RCCD1: variants seen among roughly 807,000 people sequenced by gnomAD.
The protein encoded by RCCD1 is RCC1 domain-containing protein 1.
In RCCD1, 40 loss-of-function variants were observed where a neutral mutation model predicts 37.6. That is an observed-to-expected ratio of 1.06 (90% CI 0.83 to 1.39). The LOEUF is 1.39. RCCD1 is among the 40% of genes most tolerant of loss of function. The pLI is 0.00. For synonymous variants in RCCD1, 263 were observed against 230.0 expected (o/e 1.14, Z -1.30); for missense variants, 577 against 517.3 (o/e 1.12, Z -1.12).
chr15:90,960,267 G>T, intron 5 of RCCD1, 61 bp from the exon 6 acceptor site: 1 of 1,495,040 alleles, frequency 6.7e-7, no homozygotes. Context: ...ATAAGTGACT[G>T]CATGAATAAG....
intron 4 of RCCD1, 144 bp from the exon 5 acceptor site, chr15:90,959,756 C>G (rs752924039): frequency 7.1e-6 from 4 of 566,280 alleles, no homozygotes; most frequent in Non-Finnish European, 1.2e-5. Flanking sequence ...CCCTGGGGCC[C>G]GAGGGGAAGC....
chr15:90,959,452 GTTTTA>G (rs2037270214), intron 4 of RCCD1, among the ~76,000 whole-genome samples: 1 of 152,150 alleles, frequency 6.6e-6, no homozygotes, highest in Non-Finnish European at 1.5e-5. Context: ...CCCAGTGGTT[GTTTTA>G]TTTACTTATT....
intron 4 of RCCD1, among the ~76,000 whole-genome samples, 169 bp downstream of exon 4, chr15:90,957,894 C>T (rs2037235230): frequency 6.6e-6 from 1 of 152,218 alleles, no homozygotes; most frequent in Admixed American, 6.5e-5. Flanking sequence ...CCTCTGCCTG[C>T]ACCATGGCCC....
chr15:90,956,610 A>T lies in RCCD1; in HGVS notation c.-123-2A>T. The T allele has an allele frequency of 1.1e-6, 1 of 904,964 alleles. No individual in the cohort carries two copies. Among genetic ancestry groups the T allele is most frequent in the Non-Finnish European group, 1.4e-6 (1 of 690,692 alleles). 56.1% of individuals were successfully genotyped at this position (904,964 alleles called of 1,614,324 possible). A position where few individuals can be genotyped will look rare whatever the true frequency, so the allele number is the denominator to read the frequency against. ...GAGAATGATAGTTTCTCCATTTTAC[A>T]GATAAGGCAGCTCCAGCCCCTGGAA... On this transcript the variant is annotated splice_acceptor_variant, in intron 1 of 7. Transcript: ENST00000394258. LOFTEE classifies it low-confidence loss of function (5UTR_SPLICE).
intron 1 of RCCD1, chr15:90,955,221 G>A (rs910592892): frequency 6.6e-6 from 1 of 152,268 alleles, no homozygotes; most frequent in Non-Finnish European, 1.5e-5. Flanking sequence ...CCCTCAAGGG[G>A]AGTTGAACAG....
At position 90,962,120 on chromosome 15, in the gene RCCD1, TC is replaced by T. The variant is rs1431246244; in HGVS notation, c.*352del. 5.8e-6 allele frequency: 1 copy of T among 172,122 alleles called. No individual in the cohort carries two copies. The allele number at this position is 172,122 out of a possible 1,614,324, so 10.7% of individuals were successfully genotyped here. A position where few individuals can be genotyped will look rare whatever the true frequency, so the allele number is the denominator to read the frequency against. Reference sequence around the variant, plus strand: ...GCACATTCCAGGTCATCGTCTTCTGTCAGTCATTTCCCTGCTTTCGTTTGAA... The same window carrying T: ...GCACATTCCAGGTCATCGTCTTCTGTAGTCATTTCCCTGCTTTCGTTTGAA... On this transcript the variant is annotated 3_prime_UTR_variant, in exon 8 of 8. Transcript: ENST00000394258.
rs530938783 is a variant in RCCD1, at chr15:90,958,588, A to G, written c.679+863A>G. 7.7e-5 allele frequency among the ~76,000 whole-genome samples: 11 copies of G among 142,234 alleles called. 1 individual carries two copies. The South Asian group carries it at 2.5e-3, about 32-fold the overall frequency. The allele number at this position is 142,234 out of a possible 152,430, so 93.3% of individuals were successfully genotyped here. A position where few individuals can be genotyped will look rare whatever the true frequency, so the allele number is the denominator to read the frequency against. ...GGTTGCAGTGAGCCGAGATCGTGCC[A>G]CTGCACTCCAGCCTGGGCGACAGAG... On this transcript the variant is annotated intron_variant, in intron 4 of 7. Coordinates refer to ENST00000394258, the MANE Select transcript of RCCD1 (RefSeq NM_001017919.2).
At position 90,957,642 on chromosome 15, in the gene RCCD1, T is replaced by G. The variant is rs757944276; in HGVS notation, c.596T>G (p.Leu199Arg). 5.0e-6 allele frequency: 8 copies of G among 1,614,140 alleles called. No individual in the cohort carries two copies. In the East Asian group the frequency reaches 1.8e-4, roughly 36 times the overall value. The change falls in exon 4 of 8, where the codon CTG becomes CGG. Residue 199 changes from leucine to arginine, a missense_variant. Transcript: ENST00000394258. Reference sequence around the variant, plus strand: ...GGCCATGGGACCCTGGAGGCAGAGCTGGAGCCACGGCTGTTGGAGGCGTTG... The same window carrying G: ...GGCCATGGGACCCTGGAGGCAGAGCGGGAGCCACGGCTGTTGGAGGCGTTG... Reference protein sequence around the residue: ...QLGHGTLEAELEPRLLEALQG... With the variant: ...QLGHGTLEAEREPRLLEALQG...
Position 90,956,840 on chromosome 15 carries a change from C to T in RCCD1, c.106C>T (p.Arg36Trp). Residue 36 changes from arginine (R) to tryptophan (W), a missense_variant, in exon 2 of 8, where the codon CGG (arginine) becomes TGG (tryptophan). Coordinates refer to ENST00000394258, the MANE Select transcript of RCCD1 (RefSeq NM_001017919.2). ...CCAGGTGCACAGCCCCAGTCCGCTG[C>T]GGGCGGGCGTCGACATCTGCCGCGT... ...GRQVHSPSPL[R>W]AGVDICRVSA... is the part of the protein sequence containing the mutation. 1 of 1,294,804 alleles carries T rather than the reference C, an allele frequency of 7.7e-7. No homozygotes were observed. The highest frequency in any genetic ancestry group is 9.8e-7 in the Non-Finnish European group (1 of 1,021,130). The allele number at this position is 1,294,804 out of a possible 1,614,324, so 80.2% of individuals were successfully genotyped here.
At position 90,956,726 on chromosome 15, in the gene RCCD1, T is replaced by G; in HGVS notation, c.-9T>G. ...CCAGGCGGCGGCCGGCAGAGGGCGC[T>G]GCTCGGGCATGGCGGAGGAGCGGCC... On this transcript the variant is annotated 5_prime_UTR_variant, in exon 2 of 8. Transcript: ENST00000394258. 2 of 1,291,070 alleles carry G rather than the reference T, an allele frequency of 1.5e-6. No homozygotes were observed. The highest frequency in any genetic ancestry group is 2.0e-6 in the Non-Finnish European group (2 of 1,019,248). 80.0% of individuals were successfully genotyped at this position (1,291,070 alleles called of 1,614,324 possible).
intron 1 of RCCD1, among the ~76,000 whole-genome samples, chr15:90,956,170 G>A (rs2037188486): frequency 6.6e-6 from 1 of 152,222 alleles, no homozygotes; most frequent in South Asian, 2.1e-4. Flanking sequence ...CCTCCCAAAC[G>A]CTCTTCTGCG....
chr15:90,956,691 C>A lies in RCCD1; in HGVS notation c.-44C>A. 1 of 1,254,520 alleles carries A rather than the reference C, an allele frequency of 8.0e-7. No individual in the cohort carries two copies. The highest frequency in any genetic ancestry group is 1.0e-6 in the Non-Finnish European group (1 of 999,238). 77.7% of individuals were successfully genotyped at this position (1,254,520 alleles called of 1,614,324 possible). A position where few individuals can be genotyped will look rare whatever the true frequency, so the allele number is the denominator to read the frequency against. ...GGCTCTTCGCAAGAATCCCCCCGGG[C>A]CCGCCGCAGCCAGGCGGCGGCCGGC... On this transcript the variant is annotated 5_prime_UTR_variant, in exon 2 of 8. Transcript: ENST00000394258.
In RCCD1 at chr15:90,957,197, C is replaced by T; in HGVS notation, c.251C>T (p.Ala84Val). 7.2e-7 allele frequency: 1 copy of T among 1,396,924 alleles called. No individual in the cohort carries two copies. 86.5% of individuals were successfully genotyped at this position (1,396,924 alleles called of 1,614,324 possible). A position where few individuals can be genotyped will look rare whatever the true frequency, so the allele number is the denominator to read the frequency against. Residue 84 changes from alanine (A) to valine (V), a missense_variant, in exon 3 of 8, where the codon GCG becomes GTG. Ala to Val is a moderately conservative substitution (Grantham distance 64). Coordinates refer to ENST00000394258, the MANE Select transcript of RCCD1 (RefSeq NM_001017919.2). ...GCGTGGGCCTCGGAGGGGCTCCTCGCGGTGCTGCGCGCCGGGCCGGGGCCG... is the reference window on the plus strand; with the variant it reads ...GCGTGGGCCTCGGAGGGGCTCCTCGTGGTGCTGCGCGCCGGGCCGGGGCCG... ...KDAWASEGLL[A>V]VLRAGPGPEA...
chr15:90,958,940 A>C (rs1219911286), intron 4 of RCCD1, among the ~76,000 whole-genome samples: 2 of 105,012 alleles, frequency 1.9e-5, no homozygotes, highest in African/African-American at 1.1e-4. Context: ...TCTGTCTAAA[A>C]AAAAAAAAAA....
rs2037215657 is a variant in RCCD1 at position 90,957,233 on chromosome 15, T to A, written c.287T>A (p.Leu96Gln). The A allele has an allele frequency of 6.9e-7, 1 of 1,446,076 alleles. No homozygotes were observed. The highest frequency in any genetic ancestry group is 1.5e-5 in the African/African-American group (1 of 67,606). 89.6% of individuals were successfully genotyped at this position (1,446,076 alleles called of 1,614,324 possible). A position where few individuals can be genotyped will look rare whatever the true frequency, so the allele number is the denominator to read the frequency against. ...GCCGGGCCGGGGCCGGAGGCGTTAC[T>A]GCAGGTCTGGGCGGCCGAATCGGCG... is the stretch of plus-strand genomic sequence containing the variant. ...LRAGPGPEAL[L>Q]QVWAAESALR... Residue 96 changes from leucine to glutamine, a missense_variant, in exon 3 of 8, where the codon CTG (leucine) becomes CAG (glutamine). Physicochemically the swap from Leu to Gln is moderately radical, Grantham distance 113 (BLOSUM62 -2). Coordinates refer to ENST00000394258, the MANE Select transcript of RCCD1 (RefSeq NM_001017919.2).
intron 4 of RCCD1, 98 bp downstream of exon 4, chr15:90,957,823 C>T: frequency 6.9e-7 from 1 of 1,452,734 alleles, no homozygotes; most frequent in Non-Finnish European, 9.3e-7. Context: ...GGCCTCCTTC[C>T]AAATTCATCC....
chr15:90,958,936 TAAA>T (rs3036308), intron 4 of RCCD1, among the ~76,000 whole-genome samples: 20 of 107,784 alleles, frequency 1.9e-4, no homozygotes, highest in Admixed American at 4.5e-4. Context: ...TCTGTCTGTC[TAAA>T]AAAAAAAAAA....
In RCCD1 at chr15:90,957,817, T is replaced by G. The variant is rs2037234075; in HGVS notation, c.679+92T>G. On this transcript the variant is annotated intron_variant, in intron 4 of 7. Coordinates refer to ENST00000394258, the MANE Select transcript of RCCD1 (RefSeq NM_001017919.2). ...GTTTGGGTGGGGGCCTACCCAGGCC[T>G]CCTTCCAAATTCATCCATCCATCGC... 2.1e-6 allele frequency: 3 copies of G among 1,458,894 alleles called. No homozygotes were observed. In the South Asian group the frequency reaches 4.0e-5, roughly 19 times the overall value. The allele number at this position is 1,458,894 out of a possible 1,614,324, so 90.4% of individuals were successfully genotyped here. A position where few individuals can be genotyped will look rare whatever the true frequency, so the allele number is the denominator to read the frequency against.
chr15:90,961,907 A>C lies in RCCD1; in HGVS notation c.*138A>C. On this transcript the variant is annotated 3_prime_UTR_variant, in exon 8 of 8. Coordinates refer to ENST00000394258, the MANE Select transcript of RCCD1 (RefSeq NM_001017919.2). Reference sequence around the variant, plus strand: ...CCTTCACCCTCAAGCACGGTCCTAAACTTGTCTGCACTTTAGAAACACCTG... The same window carrying C: ...CCTTCACCCTCAAGCACGGTCCTAACCTTGTCTGCACTTTAGAAACACCTG... 1.4e-6 allele frequency: 1 copy of C among 714,106 alleles called. No homozygotes were observed. The highest frequency in any genetic ancestry group is 2.2e-6 in the Non-Finnish European group (1 of 448,904). 44.2% of individuals were successfully genotyped at this position (714,106 alleles called of 1,614,324 possible). A position where few individuals can be genotyped will look rare whatever the true frequency, so the allele number is the denominator to read the frequency against.
Sources: gnomAD v4.1 joint callset for allele counts (sites outside exome capture counted in the v4.1 genomes callset) on GRCh38, gnomAD v4.1.1 for gene constraint, MANE v1.5 for transcripts, NCBI Gene and HGNC (gene_info 2026-07-23, HGNC 2026-07-21) for gene names.